The following DNAL4 variants were observed in gnomAD, a reference collection of about 807,000 sequenced individuals.
DNAL4 encodes dynein light chain, outer arm 4.
DNAL4 carries 10 observed loss-of-function variants against 12.6 expected under a neutral mutation model. The observed-to-expected ratio is 0.79, with a 90% CI of 0.49 to 1.34. The LOEUF is 1.34. Among genes scored for constraint, DNAL4 ranks in the 40% most tolerant of loss-of-function variants. The pLI, the probability that DNAL4 is intolerant of heterozygous loss-of-function variation, is 0.00. For missense variants in DNAL4, 128 were observed against 138.1 expected, an observed-to-expected ratio of 0.93 and a Z score of 0.37; for synonymous variants, 46 against 53.1, an observed-to-expected ratio of 0.87 and a Z score of 0.58.
intron 1 of DNAL4, among the ~76,000 whole-genome samples, chr22:38,787,058 C>G (rs1001721902): frequency 6.6e-6 from 1 of 151,982 alleles, no homozygotes; most frequent in Non-Finnish European, 1.5e-5. Flanking sequence ...GCCCTTAGAT[C>G]ACGGCTCGCC....
chr22:38,783,231 C>G (rs1381784922), intron 1 of DNAL4, among the ~76,000 whole-genome samples: 1 of 151,520 alleles, frequency 6.6e-6, no homozygotes, highest in Non-Finnish European at 1.5e-5. Flanking sequence ...CCTCCCACTA[C>G]ACACACGGGC....
chr22:38,793,512 G>C (rs1428059306), intron 1 of DNAL4, among the ~76,000 whole-genome samples: 2 of 152,146 alleles, frequency 1.3e-5, no homozygotes, highest in African/African-American at 4.8e-5. Context: ...TCCCATTGGG[G>C]AGCACATCCT....
Position 38,779,665 on chromosome 22 carries a change from A to T in DNAL4, c.154-52T>A, listed in dbSNP as rs982981061. Reference sequence around the variant, plus strand: ...GGGGCGCAGGGCAGGTGGGGGCAGGAGTCAGGTCCTTCTCCAGGAAGGAGA... The same window carrying T: ...GGGGCGCAGGGCAGGTGGGGGCAGGTGTCAGGTCCTTCTCCAGGAAGGAGA... On this transcript the variant is annotated intron_variant, in intron 3 of 3. Transcript: ENST00000216068. This position sits in a 1 kb window ranked among gnomAD's most constrained non-coding sequence, Gnocchi z 4.3. The T allele has an allele frequency of 2.6e-6, 4 of 1,545,116 alleles. No individual in the cohort carries two copies. The African/African-American group carries it at 4.1e-5, about 16-fold the overall frequency.
chr22:38,784,576 T>C (rs983871974), intron 1 of DNAL4, among the ~76,000 whole-genome samples: 3 of 151,416 alleles, frequency 2.0e-5, no homozygotes, highest in Non-Finnish European at 2.9e-5. Context: ...AGTGGCACGA[T>C]GTCAGCTCAC....
intron 1 of DNAL4, among the ~76,000 whole-genome samples, chr22:38,791,036 G>A (rs548333670): frequency 7.2e-5 from 11 of 151,926 alleles, no homozygotes; most frequent in East Asian, 5.9e-4. Flanking sequence ...GTGTTGTGGC[G>A]CGCGCCTGTA....
chr22:38,787,267 G>A (rs368761511), intron 1 of DNAL4, among the ~76,000 whole-genome samples: 21 of 146,750 alleles, frequency 1.4e-4, no homozygotes, highest in Non-Finnish European at 2.5e-4. Context: ...TTGAGACAGC[G>A]TTTTGCTCTT....
intron 1 of DNAL4, among the ~76,000 whole-genome samples, chr22:38,789,746 G>A (rs1490279734): frequency 6.6e-6 from 1 of 152,180 alleles, no homozygotes; most frequent in Non-Finnish European, 1.5e-5. Context: ...TGGTGAGGAG[G>A]GTGAGATAAG....
At chr22:38,791,389 T>C (rs2068606818) in intron 1 of DNAL4, among the ~76,000 whole-genome samples, 1 of 152,030 alleles carries the variant, frequency 6.6e-6, no homozygotes, top group South Asian at 2.1e-4. Context: ...ATCTTGCTCT[T>C]GTTCCCCAGG....
chr22:38,787,535 C>G (rs1326756119), intron 1 of DNAL4, among the ~76,000 whole-genome samples: 1 of 152,170 alleles, frequency 6.6e-6, no homozygotes, highest in African/African-American at 2.4e-5. Context: ...GGCCACTGCA[C>G]CTGGCAGCCT....
intron 3 of DNAL4, among the ~76,000 whole-genome samples, chr22:38,780,002 C>A (rs554441900): frequency 6.6e-6 from 1 of 152,190 alleles, no homozygotes; most frequent in South Asian, 2.1e-4. Flanking sequence ...GATGGAGAGA[C>A]CTGGCACCCT....
At chr22:38,783,978 T>A (rs966662116) in intron 1 of DNAL4, among the ~76,000 whole-genome samples, 10 of 148,634 alleles carry the variant, frequency 6.7e-5, no homozygotes, top group Admixed American at 3.3e-4. Flanking sequence ...TTTTTTTTTT[T>A]AATCTCAGAA....
chr22:38,784,178 G>A (rs7292827), intron 1 of DNAL4, among the ~76,000 whole-genome samples: 7,328 of 152,234 alleles, frequency 0.048, 464 homozygotes, highest in African/African-American at 0.14. Context: ...GACACGTGAC[G>A]GCTGTCGGTT....
At position 38,779,535 on chromosome 22, in the gene DNAL4, C is replaced by T. The variant is rs1416715404; in HGVS notation, c.232G>A (p.Gly78Arg). 2.5e-6 allele frequency: 4 copies of T among 1,587,842 alleles called. No individual in the cohort carries two copies. The highest frequency in any genetic ancestry group is 3.4e-6 in the Non-Finnish European group (4 of 1,166,234). Residue 78 changes from glycine (G) to arginine (R), a missense_variant, in exon 4 of 4, where the codon GGG becomes AGG. Gly to Arg is a moderately radical substitution (Grantham distance 125, BLOSUM62 -2). Coordinates refer to ENST00000216068, the MANE Select transcript of DNAL4 (RefSeq NM_005740.3). This position sits in a 1 kb window ranked among gnomAD's most constrained non-coding sequence, Gnocchi z 4.3. ...TTCACCTCGTGGGTGATCTCAAACCCAAAGCCCTCGCCGATCACCACGTGC... is the reference window on the plus strand; with the variant it reads ...TTCACCTCGTGGGTGATCTCAAACCTAAAGCCCTCGCCGATCACCACGTGC... ...SWHVVIGEGF[G>R]FEITHEVKNL...
intron 1 of DNAL4, among the ~76,000 whole-genome samples, chr22:38,793,796 G>A (rs192009491): frequency 4.0e-4 from 61 of 152,196 alleles, no homozygotes; most frequent in East Asian, 1.9e-3. Flanking sequence ...AGGGGGACGC[G>A]GGACCACGAA....
chr22:38,784,189 TCCTG>T (rs1346844580), intron 1 of DNAL4, among the ~76,000 whole-genome samples: 2 of 152,212 alleles, frequency 1.3e-5, no homozygotes, highest in African/African-American at 4.8e-5. Context: ...GCTGTCGGTT[TCCTG>T]CCTGTCGGTG....
chr22:38,793,701 C>T (rs1183540355), intron 1 of DNAL4, among the ~76,000 whole-genome samples: 1 of 152,162 alleles, frequency 6.6e-6, no homozygotes, highest in African/African-American at 2.4e-5. Flanking sequence ...CAAGAGCGGT[C>T]TGACCTAGTT....
chr22:38,793,479 T>C (rs898844309), intron 1 of DNAL4, among the ~76,000 whole-genome samples: 5 of 152,316 alleles, frequency 3.3e-5, no homozygotes, highest in African/African-American at 1.2e-4. Context: ...GTTTGCCAAG[T>C]TATTTTCACA....
chr22:38,792,636 A>G (rs1294768852), intron 1 of DNAL4, among the ~76,000 whole-genome samples: 1 of 152,182 alleles, frequency 6.6e-6, no homozygotes, highest in African/African-American at 2.4e-5. Context: ...TCAGACACAG[A>G]TACACTAGCC....
In DNAL4 at chr22:38,780,088, C is replaced by T. The variant is rs995089340; in HGVS notation, c.154-475G>A. Among the ~76,000 whole-genome samples, 7 of 152,192 alleles carry T rather than the reference C, an allele frequency of 4.6e-5. No homozygotes were observed. In the South Asian group the frequency reaches 6.2e-4, roughly 13 times the overall value. ...CTACTCCCCTAGTCATGGCCACAGT[C>T]GACTTCTTCCTGTGCCTGCTCTTTC... On this transcript the variant is annotated intron_variant, in intron 3 of 3. Transcript: ENST00000216068.
Sources: gnomAD v4.1 joint callset for allele counts (sites outside exome capture counted in the v4.1 genomes callset) on GRCh38, gnomAD v4.1.1 for gene constraint, Gnocchi (gnomAD v3.1) non-coding constraint, MANE v1.5 for transcripts, NCBI Gene and HGNC (gene_info 2026-07-23, HGNC 2026-07-21) for gene names.